VPS37A: variants seen among roughly 807,000 people sequenced by gnomAD.
VPS37A encodes the protein vacuolar protein sorting-associated protein 37A.
In VPS37A, 30 loss-of-function variants were observed where a neutral mutation model predicts 49.8. The observed-to-expected ratio is 0.60, with a 90% CI of 0.45 to 0.82. The LOEUF (loss-of-function observed/expected upper bound fraction) is 0.82, where lower values mean the gene tolerates loss of function less well. Ranked by LOEUF, VPS37A falls within the 40% of genes least tolerant of loss-of-function variation. The pLI is 0.00. For missense variants in VPS37A, 593 were observed against 464.4 expected (o/e 1.28, Z -2.55); for synonymous variants, 195 against 160.6 (o/e 1.21, Z -1.62).
At chr8:17,330,218 T>C in the VPS37A span, among the ~76,000 whole-genome samples, 1 of 152,214 alleles carries the variant, frequency 6.6e-6, no homozygotes, top group Non-Finnish European at 1.5e-5. Context: ...AGAGCAAACG[T>C]GGATTCCTGG....
intron 6 of VPS37A, among the ~76,000 whole-genome samples, chr8:17,279,483 T>C (rs1814833077): frequency 6.6e-6 from 1 of 152,170 alleles, no homozygotes; most frequent in Non-Finnish European, 1.5e-5. Flanking sequence ...GTGTTCAACA[T>C]TATGCTTGGA....
At chr8:17,267,202 T>C (rs373297190) in intron 2 of VPS37A, among the ~76,000 whole-genome samples, 118 of 152,278 alleles carry the variant, frequency 7.7e-4, no homozygotes, top group African/African-American at 2.8e-3. Context: ...TCTTCAGCTT[T>C]GTAAATGAAG....
chr8:17,302,441 A>G (rs1201136233), downstream of VPS37A: 3 of 741,858 alleles, frequency 4.0e-6, no homozygotes, highest in African/African-American at 1.8e-5. Flanking sequence ...TTTCATGTTG[A>G]TGTTTTTTTT....
At chr8:17,303,539 G>T (rs181536202), downstream of VPS37A, among the ~76,000 whole-genome samples, 2 of 151,750 alleles carry the variant, frequency 1.3e-5, no homozygotes, top group Admixed American at 6.6e-5. Flanking sequence ...AAAAACATAC[G>T]TATCTAGCAC....
downstream of VPS37A, chr8:17,305,664 A>G (rs767466540): frequency 8.8e-6 from 10 of 1,139,772 alleles, no homozygotes; most frequent in Non-Finnish European, 1.3e-5. Flanking sequence ...ACTAAATGAA[A>G]AAAGTCTTCA....
In VPS37A at chr8:17,257,479, C is replaced by T. The variant is rs150111652; in HGVS notation, c.126-8428C>T. On this transcript the variant is annotated intron_variant, in intron 1 of 11. Coordinates refer to ENST00000324849, the MANE Select transcript of VPS37A (RefSeq NM_152415.3). The stretch of plus-strand genomic sequence containing the variant: ...ATACAGGGAGGGGAACATCACACAC[C>T]GGGGCCTGTCAGGGGGCGTTAGGGG... Among the ~76,000 whole-genome samples, 532 of 152,076 alleles carry T rather than the reference C, an allele frequency of 3.5e-3. 1 individual carries two copies. Among genetic ancestry groups the T allele is most frequent in the Non-Finnish European group, 5.6e-3 (379 of 67,986 alleles).
intron 1 of VPS37A, among the ~76,000 whole-genome samples, chr8:17,262,573 ATG>A (rs139230717): frequency 0.031 from 4,550 of 146,980 alleles, 213 homozygotes; most frequent in African/African-American, 0.1. Flanking sequence ...ACTTTAAAGT[ATG>A]TGTGTGTGTG....
chr8:17,333,244 A>T, the VPS37A span, among the ~76,000 whole-genome samples: 5 of 152,332 alleles, frequency 3.3e-5, no homozygotes, highest in East Asian at 9.6e-4. Flanking sequence ...AATCAAGAAA[A>T]AAATATTAAA....
rs1311916589 is a variant in VPS37A, at chr8:17,276,429, A to G, written c.675A>G (p.Pro225=). Reference sequence around the variant, plus strand: ...AAAATGGTTTTGGGTACAAGATGCCAGATGTCCCTGATGCATTTCCAGAAC... The same window carrying G: ...AAAATGGTTTTGGGTACAAGATGCCGGATGTCCCTGATGCATTTCCAGAAC... The part of the protein sequence containing the change: ...TSQNGFGYKM[P]DVPDAFPELS... Residue 225 remains proline, a synonymous_variant, in exon 6 of 12, where the codon CCA becomes CCG. Transcript: ENST00000324849. 8.1e-6 allele frequency: 13 copies of G among 1,612,618 alleles called. No individual in the cohort carries two copies. The highest frequency in any genetic ancestry group is 1.1e-5 in the South Asian group (1 of 90,764).
the VPS37A span, among the ~76,000 whole-genome samples, chr8:17,312,800 T>A: frequency 1.3e-5 from 2 of 152,116 alleles, no homozygotes; most frequent in Non-Finnish European, 2.9e-5. Context: ...CCAAGGTATT[T>A]ATTTCTTTAA....
the VPS37A span, among the ~76,000 whole-genome samples, chr8:17,307,596 T>G: frequency 6.6e-6 from 1 of 152,226 alleles, no homozygotes; most frequent in Non-Finnish European, 1.5e-5. Flanking sequence ...TGAATGTTTA[T>G]AGCGGCACTA....
intron 11 of VPS37A, among the ~76,000 whole-genome samples, chr8:17,288,242 T>A (rs1476231423): frequency 1.3e-5 from 2 of 152,196 alleles, no homozygotes; most frequent in African/African-American, 4.8e-5. Flanking sequence ...ATTATTATGC[T>A]TTAAGTTCTG....
At chr8:17,282,568 T>G (rs933256277) in intron 9 of VPS37A, among the ~76,000 whole-genome samples, 1 of 152,150 alleles carries the variant, frequency 6.6e-6, no homozygotes. Flanking sequence ...GGTACAGATA[T>G]TTTTAGCCTA....
chr8:17,284,074 T>C (rs1398741121), intron 9 of VPS37A, among the ~76,000 whole-genome samples: 1 of 152,216 alleles, frequency 6.6e-6, no homozygotes, highest in Non-Finnish European at 1.5e-5. Context: ...TTTTGCCTTA[T>C]TCTATTGAAA....
At chr8:17,323,213 CTGAGATTACAGGTA>C in the VPS37A span, among the ~76,000 whole-genome samples, 2 of 151,946 alleles carry the variant, frequency 1.3e-5, no homozygotes, top group Non-Finnish European at 2.9e-5. Flanking sequence ...TCCCACAGTG[CTGAGATTACAGGTA>C]TGAGCCACCA....
chr8:17,254,884 G>A (rs1470952998), intron 1 of VPS37A, among the ~76,000 whole-genome samples: 1 of 152,006 alleles, frequency 6.6e-6, no homozygotes, highest in Non-Finnish European at 1.5e-5. Context: ...GATTTAGATA[G>A]GATGTTTGTC....
At chr8:17,264,721 C>G (rs1182759576) in intron 1 of VPS37A, among the ~76,000 whole-genome samples, 1 of 152,122 alleles carries the variant, frequency 6.6e-6, no homozygotes, top group Non-Finnish European at 1.5e-5. Flanking sequence ...TAGTCATAAG[C>G]TAGATCTTTG....
intron 9 of VPS37A, among the ~76,000 whole-genome samples, chr8:17,281,745 G>T (rs1815075824): frequency 6.6e-6 from 1 of 151,954 alleles, no homozygotes; most frequent in African/African-American, 2.4e-5. Context: ...ATTTTTTCCT[G>T]TTTGCTCCAG....
intron 1 of VPS37A, chr8:17,247,834 A>G (rs1811459123): frequency 2.9e-6 from 2 of 694,390 alleles, no homozygotes; most frequent in Middle Eastern, 2.3e-4. Context: ...AGTTTTCATC[A>G]GTGAATGCTT....
Sources: gnomAD v4.1 joint callset for allele counts (sites outside exome capture counted in the v4.1 genomes callset) on GRCh38, gnomAD v4.1.1 for gene constraint, MANE v1.5 for transcripts, NCBI Gene and HGNC (gene_info 2026-07-23, HGNC 2026-07-21) for gene names.